Variants in FBXO21 observed in about 807,000 individuals in gnomAD.
The protein encoded by FBXO21 is F-box only protein 21.
In FBXO21, 32 loss-of-function variants were observed where a neutral mutation model predicts 76.6. That is an observed-to-expected ratio of 0.42 (90% CI 0.32 to 0.56). The LOEUF is 0.56. Among genes scored for constraint, FBXO21 ranks in the 20% least tolerant of loss-of-function variants. The pLI is 0.16. For synonymous variants in FBXO21, 328 were observed against 311.5 expected (o/e 1.05, Z -0.56); for missense variants, 586 against 797.3 (o/e 0.73, Z 3.19).
intron 2 of FBXO21, 55 bp from the exon 3 acceptor site, chr12:117,186,626 C>A: frequency 9.1e-7 from 1 of 1,098,548 alleles, no homozygotes; most frequent in South Asian, 1.3e-5. Context: ...ATGCAACTCT[C>A]ACTCTCACAA....
chr12:117,162,660 C>T (rs1430084823), intron 9 of FBXO21, among the ~76,000 whole-genome samples: 1 of 152,156 alleles, frequency 6.6e-6, no homozygotes, highest in Admixed American at 6.5e-5. Context: ...AATAACAAGA[C>T]AACCTTCAGG....
intron 3 of FBXO21, among the ~76,000 whole-genome samples, chr12:117,182,097 T>C (rs1478338907): frequency 6.6e-6 from 1 of 152,248 alleles, no homozygotes; most frequent in Non-Finnish European, 1.5e-5. Context: ...TTCCCATGCT[T>C]TCCATATCCA....
Position 117,145,919 on chromosome 12 carries a change from G to C in FBXO21, c.*168C>G. The C allele has an allele frequency of 2.0e-6, 1 of 512,588 alleles. No homozygotes were observed. Among genetic ancestry groups the C allele is most frequent in the Non-Finnish European group, 3.4e-6 (1 of 293,576 alleles). 31.8% of individuals were successfully genotyped at this position (512,588 alleles called of 1,614,324 possible). A position where few individuals can be genotyped will look rare whatever the true frequency, so the allele number is the denominator to read the frequency against. ...GAGAGCAACATTGTCTTTGCAGCTG[G>C]GGAAGAGCACACGGTATTTAAACTT... On this transcript the variant is annotated 3_prime_UTR_variant, in exon 12 of 12. Transcript: ENST00000622495.
At chr12:117,160,170 C>A (rs1167999691) in intron 9 of FBXO21, among the ~76,000 whole-genome samples, 3 of 152,126 alleles carry the variant, frequency 2.0e-5, no homozygotes, top group African/African-American at 7.2e-5. Flanking sequence ...GCTACACAGT[C>A]CCTGATTTAA....
intron 11 of FBXO21, among the ~76,000 whole-genome samples, chr12:117,148,227 C>T (rs1344653597): frequency 3.3e-5 from 5 of 152,162 alleles, no homozygotes; most frequent in East Asian, 1.9e-4. Flanking sequence ...TAGGCTGTTT[C>T]GGCAGACTGT....
In FBXO21 at chr12:117,142,217, G is replaced by A. The variant is rs1955724619; in HGVS notation, c.*3870C>T. On this transcript the variant is annotated 3_prime_UTR_variant, in exon 12 of 12. Coordinates refer to ENST00000622495, the MANE Select transcript of FBXO21 (RefSeq NM_015002.3). ...TAGTTGCTTGCGCCGCAGAGTGTGG[G>A]TGTGAACAGCTGGAGCTCAGTGGTT... 6.6e-6 allele frequency: 1 copy of A among 152,210 alleles called. No homozygotes were observed. The highest frequency in any genetic ancestry group is 1.5e-5 in the Non-Finnish European group (1 of 68,052). 9.4% of individuals were successfully genotyped at this position (152,210 alleles called of 1,614,324 possible). A position where few individuals can be genotyped will look rare whatever the true frequency, so the allele number is the denominator to read the frequency against.
chr12:117,148,819 G>A (rs1052022548), intron 11 of FBXO21, among the ~76,000 whole-genome samples: 4 of 152,174 alleles, frequency 2.6e-5, no homozygotes, highest in Non-Finnish European at 1.5e-5. Flanking sequence ...GGACGCTCCA[G>A]CCCACATTAA....
At chr12:117,183,465 G>T (rs531284637) in intron 3 of FBXO21, among the ~76,000 whole-genome samples, 34 of 152,098 alleles carry the variant, frequency 2.2e-4, no homozygotes, top group Non-Finnish European at 4.6e-4. Flanking sequence ...TCATCATGTT[G>T]GCCAGGCTGG....
At chr12:117,155,441 C>A in intron 11 of FBXO21, 1 of 250,522 alleles carries the variant, frequency 4.0e-6, no homozygotes, top group South Asian at 6.0e-5. Context: ...TAGGGGGCCC[C>A]CAGGTGTTCA....
Position 117,172,496 on chromosome 12 carries a change from A to G in FBXO21, c.988T>C (p.Leu330=), listed in dbSNP as rs748836945. Residue 330 remains leucine (L), a synonymous_variant, in exon 7 of 12, where the codon TTA becomes CTA. Transcript: ENST00000622495. ...EPVNFPSHFL[L]RWCQGAEGAT... ...CCTTCTGCGCCTTGGCACCACCTTA[A>G]TAAGAAGTGACTTGGGAAGTTGACA... The G allele has an allele frequency of 1.2e-5, 19 of 1,613,850 alleles. No homozygotes were observed. In the African/African-American group the frequency reaches 1.5e-4, roughly 12 times the overall value.
chr12:117,154,077 C>T (rs979415554), intron 11 of FBXO21, among the ~76,000 whole-genome samples: 11 of 152,202 alleles, frequency 7.2e-5, no homozygotes, highest in East Asian at 1.9e-4. Flanking sequence ...TTCTTGTGAA[C>T]GCCATTTGTT....
intron 3 of FBXO21, among the ~76,000 whole-genome samples, chr12:117,177,921 G>A (rs1251293927): frequency 6.6e-6 from 1 of 152,186 alleles, no homozygotes; most frequent in Non-Finnish European, 1.5e-5. Flanking sequence ...GAATTGAGCT[G>A]GGGGAGGTTC....
At chr12:117,178,389 C>T (rs1396960902) in intron 3 of FBXO21, among the ~76,000 whole-genome samples, 1 of 152,142 alleles carries the variant, frequency 6.6e-6, no homozygotes, top group African/African-American at 2.4e-5. Flanking sequence ...CTCAGCTTCC[C>T]GCTTCAGACC....
chr12:117,157,703 A>G (rs1218895021), intron 10 of FBXO21, among the ~76,000 whole-genome samples, 170 bp downstream of exon 10: 3 of 150,932 alleles, frequency 2.0e-5, no homozygotes, highest in African/African-American at 7.3e-5. Context: ...ACGGTTCAAA[A>G]AGAAAAAAAA....
chr12:117,187,946 C>T (rs2135890389), intron 2 of FBXO21, among the ~76,000 whole-genome samples: 1 of 152,340 alleles, frequency 6.6e-6, no homozygotes, highest in South Asian at 2.1e-4. Flanking sequence ...AAACCAATTA[C>T]ACTAAGGAAT....
intron 11 of FBXO21, among the ~76,000 whole-genome samples, chr12:117,153,622 A>T (rs1041318302): frequency 4.6e-5 from 7 of 152,210 alleles, no homozygotes; most frequent in Non-Finnish European, 7.3e-5. Flanking sequence ...AGGACCCTGA[A>T]GACAGCCACG....
chr12:117,174,225 G>A lies in FBXO21; in HGVS notation c.856C>T (p.Leu286Phe). 1 of 1,612,380 alleles carries A rather than the reference G, an allele frequency of 6.2e-7. No individual in the cohort carries two copies. The highest frequency in any genetic ancestry group is 8.5e-7 in the Non-Finnish European group (1 of 1,178,418). Residue 286 changes from leucine to phenylalanine, a missense_variant, in exon 6 of 12, where the codon CTC becomes TTC. Transcript: ENST00000622495. ...TTTACCTGATGCATATATAAGTTGA[G>A]GGCATTATAGTAATCCATTCGATTC... ...KGNRMDYYNA[L>F]NLYMHQVLIR... is the part of the protein sequence containing the mutation.
chr12:117,156,962 C>G (rs1433300165), intron 10 of FBXO21, among the ~76,000 whole-genome samples: 1 of 152,022 alleles, frequency 6.6e-6, no homozygotes, highest in Non-Finnish European at 1.5e-5. Flanking sequence ...GACGGCAGAT[C>G]ACTTGAGGTC....
chr12:117,182,136 C>T (rs1592896047), intron 3 of FBXO21, among the ~76,000 whole-genome samples: 1 of 152,298 alleles, frequency 6.6e-6, no homozygotes, highest in East Asian at 1.9e-4. Context: ...GGAATGAAAA[C>T]AAACAGGGTC....
Sources: gnomAD v4.1 joint callset for allele counts (sites outside exome capture counted in the v4.1 genomes callset) on GRCh38, gnomAD v4.1.1 for gene constraint, MANE v1.5 for transcripts, NCBI Gene and HGNC (gene_info 2026-07-23, HGNC 2026-07-21) for gene names.